EFCAB6: variants seen among roughly 807,000 people sequenced by gnomAD.
The protein encoded by EFCAB6 is EF-hand calcium-binding domain-containing protein 6.
Under a neutral mutation model 169.8 loss-of-function variants are expected in EFCAB6, and 156 were observed. The observed-to-expected ratio is 0.92, with a 90% CI of 0.81 to 1.05. The LOEUF is 1.05. Among genes scored for constraint, EFCAB6 ranks in the 50% least tolerant of loss-of-function variants. The pLI is 0.00. For synonymous variants in EFCAB6, 698 were observed against 676.4 expected (o/e 1.03, Z -0.50); for missense variants, 1,800 against 1,829.1 (o/e 0.98, Z 0.29).
chr22:43,631,816 C>T (rs1255261718), intron 19 of EFCAB6, among the ~76,000 whole-genome samples: 1 of 152,028 alleles, frequency 6.6e-6, no homozygotes, highest in African/African-American at 2.4e-5. Flanking sequence ...TTCAAAGTCA[C>T]TGTACCATGG....
chr22:43,635,304 C>T, intron 17 of EFCAB6, 88 bp from the exon 18 acceptor site: 1 of 933,676 alleles, frequency 1.1e-6, no homozygotes, highest in Non-Finnish European at 1.8e-6. Flanking sequence ...TGTGCTGGCT[C>T]ACAGCAGGGC....
intron 10 of EFCAB6, 126 bp from the exon 11 acceptor site, chr22:43,687,707 T>C (rs750822328): frequency 5.5e-6 from 3 of 546,908 alleles, no homozygotes; most frequent in Non-Finnish European, 9.5e-6. Flanking sequence ...TCAAATCTAA[T>C]ATAAACAAAA....
At chr22:43,751,373 CTT>C (rs1302803138) in intron 6 of EFCAB6, among the ~76,000 whole-genome samples, 1 of 152,244 alleles carries the variant, frequency 6.6e-6, no homozygotes, top group African/African-American at 2.4e-5. Flanking sequence ...ATCTTCACCT[CTT>C]GTCGGGAGTT....
Position 43,775,907 on chromosome 22 carries a change from C to T in EFCAB6, c.140-2804G>A, listed in dbSNP as rs190255219. Among the ~76,000 whole-genome samples the T allele has an allele frequency of 5.3e-3, 808 of 152,290 alleles. 15 individuals carry two copies. Among genetic ancestry groups the T allele is most frequent in the Admixed American group, 3.8e-3 (58 of 15,298 alleles). On this transcript the variant is annotated intron_variant, in intron 3 of 31. Transcript: ENST00000262726. ...CTAGCCATTCGAGGACTCTGGCCCC[C>T]GATGTGACATCAGCCCAGCCTCTGC...
At chr22:43,669,152 A>C in intron 15 of EFCAB6, 107 bp from the exon 16 acceptor site, 1 of 1,003,528 alleles carries the variant, frequency 1.0e-6, no homozygotes, top group Non-Finnish European at 1.4e-6. Flanking sequence ...ACTTTCATCC[A>C]CTGCTGGTGG....
intron 10 of EFCAB6, among the ~76,000 whole-genome samples, chr22:43,691,388 C>T (rs1018820456): frequency 6.6e-6 from 1 of 151,940 alleles, no homozygotes; most frequent in African/African-American, 2.4e-5. Context: ...TTTAGGAAAT[C>T]GCCTCGCTCT....
chr22:43,639,145 T>G (rs1889764160), intron 17 of EFCAB6, among the ~76,000 whole-genome samples: 1 of 152,206 alleles, frequency 6.6e-6, no homozygotes, highest in Admixed American at 6.5e-5. Flanking sequence ...TGGTTTTTGT[T>G]TTGAATATTC....
intron 2 of EFCAB6, among the ~76,000 whole-genome samples, chr22:43,807,794 A>G (rs1165201089): frequency 6.6e-6 from 1 of 152,254 alleles, no homozygotes; most frequent in Non-Finnish European, 1.5e-5. Context: ...ACTGATATCA[A>G]ATGGACTGTT....
At chr22:43,657,345 A>T (rs113705287) in intron 17 of EFCAB6, among the ~76,000 whole-genome samples, 109 of 152,160 alleles carry the variant, frequency 7.2e-4, no homozygotes, top group Admixed American at 5.2e-4. Flanking sequence ...ACACCTCAGC[A>T]TATTTCAAAG....
intron 22 of EFCAB6, among the ~76,000 whole-genome samples, chr22:43,600,647 G>GATTTT (rs200775799): frequency 9.0e-6 from 1 of 110,636 alleles, no homozygotes; most frequent in African/African-American, 3.6e-5. Context: ...CGTTTAGCAG[G>GATTTT]GTTTTTTTTT....
At chr22:43,755,972 C>T (rs1348410648) in intron 5 of EFCAB6, 140 bp from the exon 6 acceptor site, 2 of 841,062 alleles carry the variant, frequency 2.4e-6, no homozygotes, top group Non-Finnish European at 3.5e-6. Context: ...CTACTGTCTG[C>T]AGGAGCATGA....
At chr22:43,558,633 C>A (rs2048847777) in intron 26 of EFCAB6, among the ~76,000 whole-genome samples, 1 of 152,042 alleles carries the variant, frequency 6.6e-6, no homozygotes, top group Non-Finnish European at 1.5e-5. Context: ...GCAGTGCCAC[C>A]CCAGCCTTCA....
In EFCAB6 at chr22:43,554,992, A is replaced by G. The variant is rs1399272202; in HGVS notation, c.3525T>C (p.Thr1175=). The change falls in exon 27 of 32, where the codon ACT becomes ACC. Residue 1175 remains threonine, a synonymous_variant. Coordinates refer to ENST00000262726, the MANE Select transcript of EFCAB6 (RefSeq NM_022785.4). ...DILARLHKAV[T]SHYHAITQEF... ...CCTGGGTGATGGCATGGTAATGGGA[A>G]GTCACTGCTTTGTGGAGGCGAGCCA... is the stretch of plus-strand genomic sequence containing the variant. The G allele has an allele frequency of 1.2e-6, 2 of 1,614,162 alleles. No homozygotes were observed. Among genetic ancestry groups the G allele is most frequent in the Non-Finnish European group, 8.5e-7 (1 of 1,180,028 alleles).
intron 2 of EFCAB6, among the ~76,000 whole-genome samples, chr22:43,787,971 T>C (rs2062142728): frequency 6.6e-6 from 1 of 152,310 alleles, no homozygotes; most frequent in African/African-American, 2.4e-5. Context: ...TAATTGATAC[T>C]TGTCAAGGGT....
chr22:43,711,374 T>C (rs1280860922), intron 10 of EFCAB6, 101 bp downstream of exon 10: 17 of 1,249,416 alleles, frequency 1.4e-5, no homozygotes, highest in South Asian at 5.6e-5. Context: ...TTTTCAGTAA[T>C]AAAAAGTCTA....
intron 6 of EFCAB6, among the ~76,000 whole-genome samples, chr22:43,753,301 C>T (rs1227696303): frequency 6.6e-6 from 1 of 152,176 alleles, no homozygotes; most frequent in African/African-American, 2.4e-5. Context: ...AAGGTTGTGG[C>T]CAAAACGAAA....
At chr22:43,697,570 CAT>C (rs2058621800) in intron 10 of EFCAB6, among the ~76,000 whole-genome samples, 1 of 151,904 alleles carries the variant, frequency 6.6e-6, no homozygotes. Context: ...CATAAATAAA[CAT>C]AATTTTCAAA....
At chr22:43,703,152 A>G (rs562918561) in intron 10 of EFCAB6, among the ~76,000 whole-genome samples, 1 of 151,816 alleles carries the variant, frequency 6.6e-6, no homozygotes, top group East Asian at 1.9e-4. Context: ...CAGGAAATCT[A>G]CTCTGTGGCC....
intron 24 of EFCAB6, among the ~76,000 whole-genome samples, chr22:43,583,406 A>C (rs2050860791): frequency 6.6e-6 from 1 of 151,802 alleles, no homozygotes; most frequent in Non-Finnish European, 1.5e-5. Flanking sequence ...AGTCTCTTTT[A>C]CTTAAGTATG....
Sources: gnomAD v4.1 joint callset for allele counts (sites outside exome capture counted in the v4.1 genomes callset) on GRCh38, gnomAD v4.1.1 for gene constraint, MANE v1.5 for transcripts, NCBI Gene and HGNC (gene_info 2026-07-23, HGNC 2026-07-21) for gene names.